Variants in EIPR1 observed in about 807,000 individuals in gnomAD.
The protein encoded by EIPR1 is EARP complex and GARP complex interacting protein 1.
Under a neutral mutation model 48.1 loss-of-function variants are expected in EIPR1, and 25 were observed. That is an observed-to-expected ratio of 0.52 (90% CI 0.38 to 0.73). The LOEUF (loss-of-function observed/expected upper bound fraction) is 0.73. EIPR1 is among the 30% of genes least tolerant of loss of function. The pLI, the probability that EIPR1 is intolerant of heterozygous loss-of-function variation, is 0.00. For missense variants in EIPR1, 415 were observed against 506.2 expected (o/e 0.82, Z 1.73); for synonymous variants, 204 against 201.9 (o/e 1.01, Z -0.09).
chr2:3,341,405 TGTGTGCATGCAG>T lies in EIPR1; in HGVS notation c.127-3268_127-3257del, dbSNP rs1287541076. Among the ~76,000 whole-genome samples the T allele has an allele frequency of 4.1e-4, 62 of 152,116 alleles. 1 individual carries two copies. In the Middle Eastern group the frequency reaches 0.01, roughly 25 times the overall value. On this transcript the variant is annotated intron_variant, in intron 2 of 8. Transcript: ENST00000382125. ...ACACGGGTGCACGTGGGTGTGGGCA[TGTGTGCATGCAG>T]GTGTGCACCTGTGTGTGGGAGCATG...
At chr2:3,227,687 G>A (rs1220284722) in intron 4 of EIPR1, among the ~76,000 whole-genome samples, 2 of 152,232 alleles carry the variant, frequency 1.3e-5, no homozygotes, top group African/African-American at 4.8e-5. Context: ...CAGGCCCAGA[G>A]GCCTAAGAGA....
chr2:3,240,237 C>T (rs62119037), intron 4 of EIPR1, among the ~76,000 whole-genome samples: 10,530 of 24,514 alleles, frequency 0.43, 697 homozygotes, highest in East Asian at 0.51. Context: ...CCAGCAGACC[C>T]TTCCTAAAGC....
chr2:3,216,777 T>C (rs1049879530), intron 4 of EIPR1, among the ~76,000 whole-genome samples: 5 of 152,220 alleles, frequency 3.3e-5, no homozygotes, highest in Admixed American at 2.6e-4. Flanking sequence ...TTAATACCTG[T>C]TGATGAATTC....
intron 3 of EIPR1, among the ~76,000 whole-genome samples, chr2:3,313,840 C>T (rs1355243662): frequency 2.6e-5 from 4 of 152,292 alleles, no homozygotes; most frequent in East Asian, 1.9e-4. Flanking sequence ...AAACAGGATT[C>T]GGATCAGGGA....
intron 3 of EIPR1, 66 bp from the exon 4 acceptor site, chr2:3,257,521 A>C: frequency 1.3e-6 from 2 of 1,572,860 alleles, no homozygotes; most frequent in Non-Finnish European, 1.7e-6. Context: ...TGCAGACAGC[A>C]CACGCACATT....
chr2:3,296,167 C>G (rs1192718781), intron 3 of EIPR1, among the ~76,000 whole-genome samples: 7 of 135,742 alleles, frequency 5.2e-5, no homozygotes, highest in Non-Finnish European at 1.1e-4. Flanking sequence ...TCCAGCCCCT[C>G]CTCTCCCTGC....
intron 2 of EIPR1, among the ~76,000 whole-genome samples, chr2:3,351,762 T>A (rs1017350461): frequency 6.6e-6 from 1 of 152,232 alleles, no homozygotes; most frequent in East Asian, 1.9e-4. Context: ...GAATTTTACA[T>A]CCTGAATAGA....
intron 5 of EIPR1, among the ~76,000 whole-genome samples, chr2:3,207,158 C>T (rs1050646011): frequency 6.6e-6 from 1 of 152,178 alleles, no homozygotes; most frequent in African/African-American, 2.4e-5. Flanking sequence ...TCCACGCGTC[C>T]ACCCACCCAC....
rs1345164686 is a variant in EIPR1 at position 3,277,551 on chromosome 2, CACTT to C, written c.260-20100_260-20097del. Among the ~76,000 whole-genome samples the C allele has an allele frequency of 4.6e-5, 7 of 152,224 alleles. 1 individual carries two copies. The highest frequency in any genetic ancestry group is 4.1e-4 in the South Asian group (2 of 4,832). The stretch of plus-strand genomic sequence containing the variant: ...CCTACGTGCTTTACAAATAAGAACT[CACTT>C]ACCCGGTGAACAACCCCAGGCCGTG... On this transcript the variant is annotated intron_variant, in intron 3 of 8. Transcript: ENST00000382125.
chr2:3,234,557 A>G (rs533206505), intron 4 of EIPR1, among the ~76,000 whole-genome samples: 1 of 152,318 alleles, frequency 6.6e-6, no homozygotes, highest in South Asian at 2.1e-4. Context: ...CCAGGCTGCC[A>G]GAGCCCAGGG....
intron 4 of EIPR1, among the ~76,000 whole-genome samples, chr2:3,251,707 T>C (rs1667004565): frequency 6.6e-6 from 1 of 152,192 alleles, no homozygotes; most frequent in Admixed American, 6.5e-5. Context: ...TCAAAATGCT[T>C]AATTCCCATA....
chr2:3,239,835 A>G (rs555779484), intron 4 of EIPR1, among the ~76,000 whole-genome samples: 1 of 152,368 alleles, frequency 6.6e-6, no homozygotes, highest in East Asian at 1.9e-4. Context: ...CCTTCCTTAC[A>G]TATATGGGTC....
At chr2:3,197,566 G>T (rs981067952) in intron 5 of EIPR1, among the ~76,000 whole-genome samples, 1 of 152,226 alleles carries the variant, frequency 6.6e-6, no homozygotes, top group Non-Finnish European at 1.5e-5. Flanking sequence ...TGGTGTTAGG[G>T]CTAAAACCTC....
intron 5 of EIPR1, among the ~76,000 whole-genome samples, chr2:3,202,199 A>G (rs1022023759): frequency 6.6e-5 from 10 of 152,206 alleles, no homozygotes; most frequent in Admixed American, 3.3e-4. Flanking sequence ...GGCCTCCCAA[A>G]GTGCTGGGAT....
At chr2:3,233,465 G>C (rs980105555) in intron 4 of EIPR1, among the ~76,000 whole-genome samples, 2 of 152,174 alleles carry the variant, frequency 1.3e-5, no homozygotes, top group African/African-American at 4.8e-5. Context: ...CCAAAACACA[G>C]ACATGTTTCC....
intron 3 of EIPR1, among the ~76,000 whole-genome samples, chr2:3,260,784 T>C (rs760337985): frequency 4.7e-4 from 71 of 152,174 alleles, no homozygotes; most frequent in Admixed American, 2.6e-4. Context: ...ACATTATTAA[T>C]AATTGGAAGG....
chr2:3,205,926 T>C (rs1387034457), intron 5 of EIPR1, among the ~76,000 whole-genome samples: 1 of 152,242 alleles, frequency 6.6e-6, no homozygotes, highest in Admixed American at 6.5e-5. Context: ...ATCTTAAACA[T>C]GTTTTTCTTC....
chr2:3,217,092 G>A (rs1343459170), intron 4 of EIPR1, among the ~76,000 whole-genome samples: 1 of 152,218 alleles, frequency 6.6e-6, no homozygotes, highest in Admixed American at 6.5e-5. Flanking sequence ...TGGATGAGGA[G>A]AGAAAAGGGG....
rs1667783189 is a variant in EIPR1 at position 3,274,299 on chromosome 2, G to C, written c.260-16844C>G. On this transcript the variant is annotated intron_variant, in intron 3 of 8. Coordinates refer to ENST00000382125, the MANE Select transcript of EIPR1 (RefSeq NM_003310.5). ...TATATCCACTCCTGGACACACTGTA[G>C]CACAAATGCAGAACACCAAAGACAA... The C allele has an allele frequency of 1.0e-5, 16 of 1,550,036 alleles. No homozygotes were observed. The East Asian group carries it at 3.9e-4, about 38-fold the overall frequency.
Sources: allele counts gnomAD v4.1 joint callset (sites outside exome capture counted in the v4.1 genomes callset), GRCh38; gene constraint gnomAD v4.1.1; transcripts MANE v1.5; gene names NCBI Gene and HGNC (gene_info 2026-07-23, HGNC 2026-07-21).